Variants in CNTN6 observed in about 807,000 individuals in gnomAD.
CNTN6 encodes contactin 6, also known as contactin-6.
Under a neutral mutation model 122.8 loss-of-function variants are expected in CNTN6, and 137 were observed. That is an observed-to-expected ratio of 1.12 (90% CI 0.97 to 1.29). The LOEUF is 1.29. CNTN6 is among the 50% of genes most tolerant of loss of function. The pLI, the probability that CNTN6 is intolerant of heterozygous loss-of-function variation, is 0.00. For missense variants in CNTN6, 1,634 were observed against 1,223.4 expected, an observed-to-expected ratio of 1.34 and a Z score of -5.01; for synonymous variants, 570 against 426.0, an observed-to-expected ratio of 1.34 and a Z score of -4.16.
At chr3:1,206,185 T>A (rs188388302) in intron 2 of CNTN6, among the ~76,000 whole-genome samples, 7 of 152,170 alleles carry the variant, frequency 4.6e-5, no homozygotes, top group African/African-American at 1.7e-4. Context: ...ATCCAAATAC[T>A]TTCTCATTCT....
At chr3:1,296,397 G>C (rs546126017) in intron 6 of CNTN6, among the ~76,000 whole-genome samples, 166 of 152,192 alleles carry the variant, frequency 1.1e-3, no homozygotes, top group Non-Finnish European at 1.9e-3. Context: ...GAGCTTTGTA[G>C]CTTAGTCAAG....
rs1033176665 is a variant in CNTN6 at position 1,171,534 on chromosome 3, C to T, written c.55+23471C>T. On this transcript the variant is annotated intron_variant, in intron 2 of 22. Coordinates refer to ENST00000446702, the MANE Select transcript of CNTN6 (RefSeq NM_001289080.2). Reference sequence around the variant, plus strand: ...AAATGCCACTTGTGCCACCAACCCCCGGTTGTGACAACCAAAAACTGGCTT... The same window carrying T: ...AAATGCCACTTGTGCCACCAACCCCTGGTTGTGACAACCAAAAACTGGCTT... Among the ~76,000 whole-genome samples the T allele has an allele frequency of 5.9e-5, 9 of 151,554 alleles. 1 individual carries two copies. The highest frequency in any genetic ancestry group is 3.3e-4 in the Admixed American group (5 of 15,240).
At chr3:1,323,011 A>G (rs1488918688) in intron 8 of CNTN6, among the ~76,000 whole-genome samples, 1 of 151,740 alleles carries the variant, frequency 6.6e-6, no homozygotes, top group East Asian at 1.9e-4. Context: ...TTTTAAAGAA[A>G]TATTTTCCAT....
At chr3:1,393,501 T>C (rs1435531957) in intron 20 of CNTN6, among the ~76,000 whole-genome samples, 2 of 144,282 alleles carry the variant, frequency 1.4e-5, no homozygotes, top group Admixed American at 7.1e-5. Context: ...GGCACATGTA[T>C]ACATATGTAA....
intron 2 of CNTN6, among the ~76,000 whole-genome samples, chr3:1,190,358 G>T (rs1432579950): frequency 6.6e-6 from 1 of 152,110 alleles, no homozygotes; most frequent in Non-Finnish European, 1.5e-5. Flanking sequence ...ATAACCATTC[G>T]GTCTATAACG....
chr3:1,214,832 C>A (rs913729048), intron 2 of CNTN6, among the ~76,000 whole-genome samples: 5 of 152,174 alleles, frequency 3.3e-5, no homozygotes, highest in African/African-American at 7.2e-5. Flanking sequence ...TCATAGTTCA[C>A]TGCAGCCTCA....
intron 12 of CNTN6, among the ~76,000 whole-genome samples, chr3:1,356,982 A>G (rs368970940): frequency 2.9e-4 from 44 of 152,050 alleles, no homozygotes; most frequent in African/African-American, 9.6e-4. Context: ...ACTAAGATCA[A>G]TGTTGTCTTG....
chr3:1,301,185 T>C (rs1241183989), intron 7 of CNTN6, among the ~76,000 whole-genome samples: 5 of 151,918 alleles, frequency 3.3e-5, no homozygotes, highest in Admixed American at 2.0e-4. Flanking sequence ...TACAGGCACC[T>C]GCCACCACAC....
intron 7 of CNTN6, among the ~76,000 whole-genome samples, chr3:1,317,916 T>A (rs1700324869): frequency 6.7e-6 from 1 of 149,792 alleles, no homozygotes; most frequent in Non-Finnish European, 1.5e-5. Context: ...CAAACACATG[T>A]CCTCTGCAGA....
At chr3:1,376,890 T>A in intron 16 of CNTN6, 115 bp from the exon 17 acceptor site, 2 of 640,294 alleles carry the variant, frequency 3.1e-6, no homozygotes, top group Admixed American at 2.8e-5. Context: ...AATGCAAGAC[T>A]CTCTCACAGT....
chr3:1,282,364 C>A (rs6786142), intron 5 of CNTN6, among the ~76,000 whole-genome samples: 92,189 of 151,978 alleles, frequency 0.61, 28,464 homozygotes, highest in African/African-American at 0.72. Flanking sequence ...CATCACAGTG[C>A]AAAAGAAAAA....
intron 20 of CNTN6, among the ~76,000 whole-genome samples, chr3:1,389,630 A>C (rs1560013673): frequency 1.3e-5 from 2 of 149,960 alleles, no homozygotes; most frequent in Non-Finnish European, 3.0e-5. Context: ...AAATTGGATA[A>C]ACAGTCAAGA....
At chr3:1,111,324 A>G (rs2125017666) in intron 1 of CNTN6, among the ~76,000 whole-genome samples, 1 of 152,332 alleles carries the variant, frequency 6.6e-6, no homozygotes. Flanking sequence ...ATCAATTGAT[A>G]TAGTTTCAGG....
intron 1 of CNTN6, among the ~76,000 whole-genome samples, chr3:1,102,789 T>A (rs971254119): frequency 6.8e-6 from 1 of 148,120 alleles, no homozygotes; most frequent in Non-Finnish European, 1.5e-5. Flanking sequence ...GTAGGCTATA[T>A]AATACACAGA....
chr3:1,120,689 A>G (rs998633067), intron 1 of CNTN6, among the ~76,000 whole-genome samples: 1 of 151,852 alleles, frequency 6.6e-6, no homozygotes, highest in Admixed American at 6.6e-5. Context: ...GTCCTAAGAA[A>G]TCTTTGCTTA....
chr3:1,276,123 A>T (rs893851149), intron 4 of CNTN6, among the ~76,000 whole-genome samples: 2 of 152,372 alleles, frequency 1.3e-5, no homozygotes, highest in South Asian at 4.1e-4. Context: ...ATAAAGACAG[A>T]TGTAAGTAAA....
At chr3:1,384,011 G>C (rs1692356541) in intron 19 of CNTN6, among the ~76,000 whole-genome samples, 1 of 151,214 alleles carries the variant, frequency 6.6e-6, no homozygotes, top group Non-Finnish European at 1.5e-5. Context: ...CCACAGTAAA[G>C]TCCTGCCTCC....
At chr3:1,105,660 AT>A (rs1169406626) in intron 1 of CNTN6, among the ~76,000 whole-genome samples, 1 of 152,146 alleles carries the variant, frequency 6.6e-6, no homozygotes, top group African/African-American at 2.4e-5. Context: ...TTCTAGTCTT[AT>A]TAAAGATAAA....
intron 16 of CNTN6, among the ~76,000 whole-genome samples, chr3:1,376,672 T>C (rs956538780): frequency 4.6e-5 from 7 of 152,146 alleles, no homozygotes; most frequent in African/African-American, 1.7e-4. Flanking sequence ...CTCAACTGTA[T>C]AATTAGGCAC....
Sources: gnomAD v4.1 joint callset for allele counts (sites outside exome capture counted in the v4.1 genomes callset) on GRCh38, gnomAD v4.1.1 for gene constraint, MANE v1.5 for transcripts, NCBI Gene and HGNC (gene_info 2026-07-23, HGNC 2026-07-21) for gene names.